CHN2: variants seen among roughly 807,000 people sequenced by gnomAD.
CHN2 encodes chimerin 2.
In CHN2, 35 loss-of-function variants were observed where a neutral mutation model predicts 56.3. The ratio of observed to expected loss-of-function variants is 0.62; its 90% CI spans 0.47 to 0.82. The LOEUF is 0.82. Ranked by LOEUF, CHN2 falls within the 40% of genes least tolerant of loss-of-function variation. The probability of loss-of-function intolerance (pLI) is 0.00; values close to 1 mark genes in which losing one functional copy is unlikely to be tolerated. For synonymous variants in CHN2, 210 were observed against 212.8 expected, an observed-to-expected ratio of 0.99 and a Z score of 0.12; for missense variants, 491 against 580.5, an observed-to-expected ratio of 0.85 and a Z score of 1.58.
Position 29,213,139 on chromosome 7 carries a change from C to T in CHN2, c.49+18149C>T, listed in dbSNP as rs189702347. On this transcript the variant is annotated intron_variant, in intron 1 of 12. Coordinates refer to ENST00000222792, the MANE Select transcript of CHN2 (RefSeq NM_004067.4). ...AGGCCTTAATGTAATAAGCAAATGA[C>T]TAGGTATTTTAGTACTCCACAAACC... is the stretch of plus-strand genomic sequence containing the variant. 191 of 1,553,908 alleles carry T rather than the reference C, an allele frequency of 1.2e-4. 1 individual carries two copies. The Admixed American group carries it at 3.1e-3, about 25-fold the overall frequency.
chr7:29,200,408 C>A (rs1784060407), intron 1 of CHN2, among the ~76,000 whole-genome samples: 1 of 139,090 alleles, frequency 7.2e-6, no homozygotes, highest in South Asian at 2.6e-4. Context: ...CTCCTTCCTT[C>A]CTTCTTTCCT....
intron 6 of CHN2, among the ~76,000 whole-genome samples, chr7:29,457,129 G>A (rs1180075151): frequency 1.3e-5 from 2 of 152,260 alleles, no homozygotes; most frequent in Middle Eastern, 3.4e-3. Context: ...CCTGCAGCTC[G>A]GGAACGTGAG....
At chr7:29,179,099 G>A (rs1797741211) in intron 2 of CHN2, among the ~76,000 whole-genome samples, 1 of 152,152 alleles carries the variant, frequency 6.6e-6, no homozygotes, top group African/African-American at 2.4e-5. Flanking sequence ...ATATCATGCT[G>A]ACACACTTAC....
At chr7:29,278,773 C>T (rs1040131046) in intron 1 of CHN2, among the ~76,000 whole-genome samples, 4 of 152,192 alleles carry the variant, frequency 2.6e-5, no homozygotes, top group East Asian at 1.9e-4. Flanking sequence ...ACCTGTTTGG[C>T]GGGGGTCTTG....
chr7:29,147,534 A>G (rs1172455538), intron 2 of CHN2, among the ~76,000 whole-genome samples: 2 of 152,220 alleles, frequency 1.3e-5, no homozygotes, highest in Non-Finnish European at 2.9e-5. Flanking sequence ...GTTTTCTCCT[A>G]AGTACCTACT....
chr7:29,460,721 C>T (rs1785103552), intron 6 of CHN2, among the ~76,000 whole-genome samples: 1 of 152,208 alleles, frequency 6.6e-6, no homozygotes, highest in Admixed American at 6.5e-5. Context: ...ACAGAGCCAT[C>T]TCTTGGTATC....
intron 1 of CHN2, chr7:29,213,250 T>C (rs1177207635): frequency 2.0e-6 from 2 of 990,894 alleles, no homozygotes; most frequent in African/African-American, 3.2e-5. Flanking sequence ...AGTTTCACTC[T>C]GGGTAGTGGC....
At chr7:29,173,287 A>T (rs2092990151) in intron 2 of CHN2, among the ~76,000 whole-genome samples, 1 of 152,156 alleles carries the variant, frequency 6.6e-6, no homozygotes, top group African/African-American at 2.4e-5. Flanking sequence ...ATTGCCCTGA[A>T]TGCATCTGCC....
chr7:29,335,895 G>C (rs1356575791), intron 1 of CHN2: 1 of 152,244 alleles, frequency 6.6e-6, no homozygotes, highest in Non-Finnish European at 1.5e-5. Context: ...CATTTATTGA[G>C]CACCTGGTGT....
At chr7:29,389,959 C>T (rs886902119) in intron 3 of CHN2, among the ~76,000 whole-genome samples, 1 of 148,488 alleles carries the variant, frequency 6.7e-6, no homozygotes, top group Non-Finnish European at 1.5e-5. Context: ...GAGGCTGAGA[C>T]AGGAGAATCA....
intron 1 of CHN2, among the ~76,000 whole-genome samples, chr7:29,318,458 GA>G (rs1795114343): frequency 6.6e-6 from 1 of 152,134 alleles, no homozygotes; most frequent in African/African-American, 2.4e-5. Context: ...GAGAGGTCTG[GA>G]ATGGAGAAGC....
chr7:29,345,006 A>G (rs531790855), intron 1 of CHN2, among the ~76,000 whole-genome samples: 1 of 152,302 alleles, frequency 6.6e-6, no homozygotes, highest in South Asian at 2.1e-4. Context: ...GTGTCCTGGG[A>G]TACAGCAGTC....
chr7:29,454,264 T>A (rs1318893077), intron 6 of CHN2, among the ~76,000 whole-genome samples: 1 of 152,106 alleles, frequency 6.6e-6, no homozygotes, highest in Non-Finnish European at 1.5e-5. Flanking sequence ...ATAATATGTG[T>A]GAAGTGTTTA....
At chr7:29,181,528 TAAC>T (rs1387213190) in intron 2 of CHN2, 1 of 152,172 alleles carries the variant, frequency 6.6e-6, no homozygotes, top group African/African-American at 2.4e-5. Context: ...AATGGAGGAA[TAAC>T]AACATGAATT....
intron 6 of CHN2, among the ~76,000 whole-genome samples, chr7:29,425,191 C>T (rs529904331): frequency 2.0e-5 from 3 of 152,324 alleles, no homozygotes; most frequent in African/African-American, 7.2e-5. Context: ...TGGGTGAGGC[C>T]ATATGGCACT....
intron 1 of CHN2, chr7:29,335,941 AG>A (rs2128908518): frequency 6.6e-6 from 1 of 152,420 alleles, no homozygotes; most frequent in South Asian, 2.1e-4. Context: ...TGCTGAGGAG[AG>A]TAAAGCTGCC....
intron 1 of CHN2, chr7:29,146,777 T>C (rs1222143267): frequency 6.5e-7 from 1 of 1,549,238 alleles, no homozygotes; most frequent in African/African-American, 1.4e-5. Flanking sequence ...ATTTTGATTT[T>C]GTCTCCCAGT....
intron 1 of CHN2, among the ~76,000 whole-genome samples, chr7:29,235,752 C>T (rs1442906696): frequency 3.9e-5 from 6 of 152,028 alleles, no homozygotes; most frequent in African/African-American, 9.7e-5. Flanking sequence ...TGGATGGAGC[C>T]GGAGGCCATT....
intron 1 of CHN2, among the ~76,000 whole-genome samples, chr7:29,244,488 C>CT (rs1787921542): frequency 6.6e-6 from 1 of 152,222 alleles, no homozygotes; most frequent in African/African-American, 2.4e-5. Flanking sequence ...GGTTTCACCT[C>CT]TAGGGGCAGC....
Sources: gnomAD v4.1 joint callset for allele counts (sites outside exome capture counted in the v4.1 genomes callset) on GRCh38, gnomAD v4.1.1 for gene constraint, MANE v1.5 for transcripts, NCBI Gene and HGNC (gene_info 2026-07-23, HGNC 2026-07-21) for gene names.